Variants in MROH7 observed in about 807,000 individuals in gnomAD.
MROH7 encodes maestro heat like repeat family member 7.
A neutral mutation model predicts 129.2 loss-of-function variants in MROH7; 113 were observed. The ratio of observed to expected loss-of-function variants is 0.87; its 90% CI spans 0.75 to 1.02. The LOEUF (loss-of-function observed/expected upper bound fraction) is 1.02. Among genes scored for constraint, MROH7 ranks in the 50% least tolerant of loss-of-function variants. MROH7 has a pLI of 0.00. For synonymous variants in MROH7, 655 were observed against 667.9 expected (o/e 0.98, Z 0.30); for missense variants, 1,601 against 1,671.3 (o/e 0.96, Z 0.73).
At chr1:54,672,634 T>A (rs931847119) in intron 7 of MROH7, among the ~76,000 whole-genome samples, 6 of 152,216 alleles carry the variant, frequency 3.9e-5, no homozygotes, top group Non-Finnish European at 5.9e-5. Context: ...AGATTGGCTC[T>A]TTCATTGATC....
intron 4 of MROH7, among the ~76,000 whole-genome samples, chr1:54,666,425 A>ATTTTTTTTTTTT (rs71048704): frequency 1.4e-5 from 1 of 69,220 alleles, no homozygotes; most frequent in African/African-American, 5.0e-5. Flanking sequence ...GAGAAGAGGA[A>ATTTTTTTTTTTT]TTTTTTTTTT....
intron 17 of MROH7, chr1:54,697,193 G>C (rs1273696350): frequency 6.4e-6 from 1 of 155,524 alleles, no homozygotes; most frequent in African/African-American, 2.4e-5. Flanking sequence ...TGCTTGGATA[G>C]TGTGAAGGTT....
chr1:54,679,500 C>G, intron 12 of MROH7, 61 bp downstream of exon 12: 1 of 1,550,542 alleles, frequency 6.4e-7, no homozygotes, highest in Non-Finnish European at 8.8e-7. Flanking sequence ...CCCCCCATGG[C>G]CTGCTCATCA....
Position 54,668,948 on chromosome 1 carries a change from C to A in MROH7, c.1389+11C>A. The A allele has an allele frequency of 6.5e-7, 1 of 1,547,604 alleles. No homozygotes were observed. The highest frequency in any genetic ancestry group is 8.9e-7 in the Non-Finnish European group (1 of 1,120,096). On this transcript the variant is annotated intron_variant, in intron 5 of 23. Coordinates refer to ENST00000421030, the MANE Select transcript of MROH7 (RefSeq NM_001039464.4). ...ATAAAGAAGATTATGGTGGGGGAGC[C>A]ACAGGCGGGTCTGTGGCATTGGGGT...
chr1:54,668,952 G>GACCC lies in MROH7; in HGVS notation c.1389+15_1389+16insACCC. The GACCC allele has an allele frequency of 2.5e-6, 4 of 1,602,290 alleles. No individual in the cohort carries two copies. The highest frequency in any genetic ancestry group is 3.4e-6 in the Non-Finnish European group (4 of 1,169,538). ...AGAAGATTATGGTGGGGGAGCCACAGGCGGGTCTGTGGCATTGGGGTGGGA... is the reference window on the plus strand; with the variant it reads ...AGAAGATTATGGTGGGGGAGCCACAGACCCGCGGGTCTGTGGCATTGGGGTGGGA... On this transcript the variant is annotated intron_variant, in intron 5 of 23. Coordinates refer to ENST00000421030, the MANE Select transcript of MROH7 (RefSeq NM_001039464.4).
intron 16 of MROH7, among the ~76,000 whole-genome samples, chr1:54,694,177 C>T (rs561866665): frequency 2.9e-4 from 44 of 152,288 alleles, no homozygotes; most frequent in African/African-American, 1.0e-3. Context: ...CCACGTCCCT[C>T]GGTGAAATAG....
In MROH7 at chr1:54,700,910, G is replaced by A. The variant is rs986707662; in HGVS notation, c.3106-233G>A. 2.0e-5 allele frequency among the ~76,000 whole-genome samples: 3 copies of A among 152,244 alleles called. No homozygotes were observed. The South Asian group carries it at 6.2e-4, about 31-fold the overall frequency. On this transcript the variant is annotated intron_variant, in intron 18 of 23. Coordinates refer to ENST00000421030, the MANE Select transcript of MROH7 (RefSeq NM_001039464.4). ...CATCTACCTAGAGCCAAGGAAGGGGGTAGACAGCAAAGGGCCTCAGGGGTC... is the reference window on the plus strand; with the variant it reads ...CATCTACCTAGAGCCAAGGAAGGGGATAGACAGCAAAGGGCCTCAGGGGTC...
intron 3 of MROH7, among the ~76,000 whole-genome samples, chr1:54,661,025 T>A (rs566206347): frequency 9.4e-5 from 14 of 148,940 alleles, no homozygotes; most frequent in South Asian, 2.1e-4. Flanking sequence ...TTTTTTTTTT[T>A]AATTTCAGAA....
At chr1:54,685,001 G>A (rs552830447) in intron 14 of MROH7, among the ~76,000 whole-genome samples, 4 of 151,930 alleles carry the variant, frequency 2.6e-5, no homozygotes, top group South Asian at 4.2e-4. Context: ...GATGCATGGA[G>A]TCTTTTTTTT....
chr1:54,648,847 C>T (rs993475315), intron 1 of MROH7, among the ~76,000 whole-genome samples: 1 of 152,130 alleles, frequency 6.6e-6, no homozygotes, highest in African/African-American at 2.4e-5. Flanking sequence ...GAGAGCTGTT[C>T]TGGAGCCAGA....
chr1:54,653,425 A>G lies in MROH7; in HGVS notation c.499A>G (p.Asn167Asp). ...SSKIFKLGQR[N>D]SNPSRHELNP... ...TAAGATTTTCAAGTTGGGTCAGAGA[A>G]ACTCCAACCCTTCTAGGCATGAATT... Residue 167 changes from asparagine to aspartate, a missense_variant, in exon 3 of 24, where the codon AAC becomes GAC. By Grantham distance (23) the Asn-to-Asp change is conservative. Transcript: ENST00000421030. 2 of 1,614,190 alleles carry G rather than the reference A, an allele frequency of 1.2e-6. No homozygotes were observed. Among genetic ancestry groups the G allele is most frequent in the African/African-American group, 1.3e-5 (1 of 75,048 alleles).
chr1:54,653,705 CA>C lies in MROH7; in HGVS notation c.783del (p.Gly262GlufsTer15). The C allele has an allele frequency of 6.2e-7, 1 of 1,614,150 alleles. No homozygotes were observed. The highest frequency in any genetic ancestry group is 8.5e-7 in the Non-Finnish European group (1 of 1,180,016). On this transcript the variant is annotated frameshift_variant, in exon 3 of 24. Transcript: ENST00000421030. LOFTEE classifies it high-confidence loss of function. ...TCACATAATATCTCTGAGTCTGTTT[CA>C]AAAGGAGCCTTTAGTACCACCTGGA... ...LASHNISESVSKGAFSTTWST... is the reference protein window; with the variant it reads ...LASHNISESVXKGAFSTTWST...
In MROH7 at chr1:54,652,853, ACTG is replaced by A. The variant is rs1468857933; in HGVS notation, c.-67_-65del. ...GCATTTGTCTTTTCTCTCTCTCAAG[ACTG>A]CTGCTGGGAATGTGACAGTTGGCTG... On this transcript the variant is annotated splice_region_variant and 5_prime_UTR_variant, in exon 3 of 24. Coordinates refer to ENST00000421030, the MANE Select transcript of MROH7 (RefSeq NM_001039464.4). The A allele has an allele frequency of 1.3e-6, 2 of 1,514,454 alleles. No individual in the cohort carries two copies. The highest frequency in any genetic ancestry group is 8.8e-7 in the Non-Finnish European group (1 of 1,132,212). 93.8% of individuals were successfully genotyped at this position (1,514,454 alleles called of 1,614,324 possible). A position where few individuals can be genotyped will look rare whatever the true frequency, so the allele number is the denominator to read the frequency against.
At chr1:54,700,279 G>GC (rs781250974) in intron 17 of MROH7, 42 bp from the exon 18 acceptor site, 2 of 1,613,242 alleles carry the variant, frequency 1.2e-6, no homozygotes, top group Admixed American at 1.7e-5. Flanking sequence ...GGGCTGCCCT[G>GC]CCCCCCTCAG....
At chr1:54,701,716 G>A (rs959092281) in intron 19 of MROH7, among the ~76,000 whole-genome samples, 3 of 152,032 alleles carry the variant, frequency 2.0e-5, no homozygotes, top group South Asian at 2.1e-4. Flanking sequence ...CTATGGGCAT[G>A]CACCACTATG....
Position 54,674,158 on chromosome 1 carries a change from C to T in MROH7, c.1936+7C>T. 2 of 1,611,076 alleles carry T rather than the reference C, an allele frequency of 1.2e-6. No homozygotes were observed. Among genetic ancestry groups the T allele is most frequent in the Non-Finnish European group, 1.7e-6 (2 of 1,178,954 alleles). On this transcript the variant is annotated splice_region_variant and intron_variant, in intron 10 of 23. Coordinates refer to ENST00000421030, the MANE Select transcript of MROH7 (RefSeq NM_001039464.4). ...ATTCTGGAGCTCCAAAAACGTAAGCCCTATCGGAGTACTTCTGAAGGAAGT... is the reference window on the plus strand; with the variant it reads ...ATTCTGGAGCTCCAAAAACGTAAGCTCTATCGGAGTACTTCTGAAGGAAGT...
chr1:54,673,703 C>A lies in MROH7; in HGVS notation c.1698C>A (p.Ala566=), dbSNP rs771351762. ...GAGTCTTGCTTTTGATCCCACAGGC[C>A]CTGGGGCCTTGGATGAACTCTGGGA... ...TPAGLKSILE[A]LGPWMNSGKA... is the part of the protein sequence containing the mutation. Residue 566 remains alanine (A), a splice_region_variant and synonymous_variant, in exon 9 of 24, where the codon GCC becomes GCA. Transcript: ENST00000421030. 1 of 1,613,114 alleles carries A rather than the reference C, an allele frequency of 6.2e-7. No individual in the cohort carries two copies. The highest frequency in any genetic ancestry group is 8.5e-7 in the Non-Finnish European group (1 of 1,179,090).
In MROH7 at chr1:54,703,424, A is replaced by G. The variant is rs942343087; in HGVS notation, c.3564+679A>G. Among the ~76,000 whole-genome samples, 5 of 152,218 alleles carry G rather than the reference A, an allele frequency of 3.3e-5. No individual in the cohort carries two copies. Among genetic ancestry groups the G allele is most frequent in the African/African-American group, 4.8e-5 (2 of 41,454 alleles). On this transcript the variant is annotated intron_variant, in intron 21 of 23. Coordinates refer to ENST00000421030, the MANE Select transcript of MROH7 (RefSeq NM_001039464.4). This position sits in a 1 kb window ranked among gnomAD's most constrained non-coding sequence, Gnocchi z 4.4. ...CCCCAGAGGGAGGAAAAGAAGTTTG[A>G]AGACAAGTAAGTTTGGGAAATACTG...
intron 18 of MROH7, 139 bp downstream of exon 18, chr1:54,700,600 G>A: frequency 6.6e-6 from 5 of 762,610 alleles, no homozygotes; most frequent in South Asian, 2.2e-5. Flanking sequence ...TGTCCCATCT[G>A]TAAAATAGAT....
Sources: gnomAD v4.1 joint callset for allele counts (sites outside exome capture counted in the v4.1 genomes callset) on GRCh38, gnomAD v4.1.1 for gene constraint, Gnocchi (gnomAD v3.1) non-coding constraint, MANE v1.5 for transcripts, NCBI Gene and HGNC (gene_info 2026-07-23, HGNC 2026-07-21) for gene names.